The following BAHCC1 variants were observed in gnomAD, a reference collection of about 807,000 sequenced individuals.
The protein encoded by BAHCC1 is BAH and coiled-coil domain-containing protein 1.
Under a neutral mutation model 88.2 loss-of-function variants are expected in BAHCC1, and 43 were observed. The observed-to-expected ratio is 0.49, with a 90% CI of 0.38 to 0.63. The LOEUF (loss-of-function observed/expected upper bound fraction) is 0.63, where lower values mean the gene tolerates loss of function less well. Ranked by LOEUF, BAHCC1 falls within the 20% of genes least tolerant of loss-of-function variation. The probability of loss-of-function intolerance (pLI) is 0.00; values close to 1 mark genes in which losing one functional copy is unlikely to be tolerated. For missense variants in BAHCC1, 3,023 were observed against 1,654.8 expected, an observed-to-expected ratio of 1.83 and a Z score of -14.34; for synonymous variants, 1,510 against 745.5, an observed-to-expected ratio of 2.03 and a Z score of -16.71.
intron 2 of BAHCC1, among the ~76,000 whole-genome samples, chr17:81,405,232 T>A (rs569357123): frequency 5.3e-5 from 8 of 152,164 alleles, no homozygotes; most frequent in African/African-American, 1.9e-4. Context: ...CACGCCCTAA[T>A]TTTTTGTATT....
chr17:81,432,910 T>G (rs71370215), intron 3 of BAHCC1, among the ~76,000 whole-genome samples: 8,890 of 16,706 alleles, frequency 0.53, 1,678 homozygotes, highest in East Asian at 0.66. Context: ...AGGCCCACCC[T>G]TCCCCCCATC....
intron 2 of BAHCC1, among the ~76,000 whole-genome samples, chr17:81,424,551 T>C (rs2064151501): frequency 6.6e-6 from 1 of 151,936 alleles, no homozygotes; most frequent in Admixed American, 6.6e-5. Context: ...TGATGATTGG[T>C]GATTGATGAT....
intron 2 of BAHCC1, among the ~76,000 whole-genome samples, chr17:81,404,820 C>T (rs375675298): frequency 2.0e-5 from 3 of 152,246 alleles, no homozygotes; most frequent in South Asian, 2.1e-4. Flanking sequence ...TGTCCCCTGG[C>T]GGGCACCTTT....
chr17:81,458,041 G>A (rs1312858473), intron 17 of BAHCC1, 124 bp from the exon 18 acceptor site: 2 of 634,692 alleles, frequency 3.2e-6, no homozygotes, highest in Non-Finnish European at 5.7e-6. Flanking sequence ...GGCAGAGGTT[G>A]CTGGGTAACC....
At chr17:81,440,937 G>A (rs1263893695) in intron 4 of BAHCC1, among the ~76,000 whole-genome samples, 3 of 152,306 alleles carry the variant, frequency 2.0e-5, no homozygotes, top group South Asian at 2.1e-4. Flanking sequence ...CGACCCACCC[G>A]TCCTTCCTCG....
intron 14 of BAHCC1, among the ~76,000 whole-genome samples, chr17:81,454,994 A>G (rs1230888107): frequency 1.3e-5 from 2 of 152,238 alleles, no homozygotes; most frequent in Admixed American, 6.5e-5. Flanking sequence ...CACTTCCAGT[A>G]TAGCCAAGTG....
At chr17:81,455,953 G>C (rs2064741242) in intron 15 of BAHCC1, among the ~76,000 whole-genome samples, 1 of 152,184 alleles carries the variant, frequency 6.6e-6, no homozygotes, top group Non-Finnish European at 1.5e-5. Flanking sequence ...TGTCTGCCCA[G>C]GGGGCTGATC....
rs782326582 is a variant in BAHCC1, at chr17:81,461,963, C to T, written c.7300C>T (p.Pro2434Ser). The change falls in exon 26 of 28, where the codon CCG becomes TCG. Residue 2434 changes from proline to serine, a missense_variant. Coordinates refer to ENST00000675386, the MANE Select transcript of BAHCC1 (RefSeq NM_001377448.1). ...CAAAGAGCTCTCCCGGAGGCAGCGG[C>T]CGCCCTCCGTGGAAAACCGGCCAAA... Reference protein sequence around the residue: ...KAKELSRRQRPPSVENRPKIS... With the variant: ...KAKELSRRQRSPSVENRPKIS... 11 of 772,172 alleles carry T rather than the reference C, an allele frequency of 1.4e-5. No individual in the cohort carries two copies. The highest frequency in any genetic ancestry group is 1.4e-4 in the South Asian group (10 of 73,094). The allele number at this position is 772,172 out of a possible 1,614,324, so 47.8% of individuals were successfully genotyped here. A position where few individuals can be genotyped will look rare whatever the true frequency, so the allele number is the denominator to read the frequency against.
At chr17:81,454,600 G>A (rs898415841) in intron 14 of BAHCC1, among the ~76,000 whole-genome samples, 9 of 131,788 alleles carry the variant, frequency 6.8e-5, no homozygotes, top group African/African-American at 2.3e-4. Flanking sequence ...CGGTTGGCAC[G>A]TCCTCTTCCA....
chr17:81,448,782 G>A (rs1341817562), intron 11 of BAHCC1, among the ~76,000 whole-genome samples: 2 of 152,140 alleles, frequency 1.3e-5, no homozygotes, highest in East Asian at 1.9e-4. Flanking sequence ...GCCTGCCCTC[G>A]GGGGTATCTG....
intron 3 of BAHCC1, among the ~76,000 whole-genome samples, chr17:81,431,977 C>T (rs1160408519): frequency 6.6e-6 from 1 of 152,234 alleles, no homozygotes; most frequent in African/African-American, 2.4e-5. Flanking sequence ...GCAGATGCGG[C>T]ATGGGCCCCT....
In BAHCC1 at chr17:81,462,769, G is replaced by A. The variant is rs181652472; in HGVS notation, c.7413G>A (p.Lys2471=). 1.3e-6 allele frequency: 1 copy of A among 773,680 alleles called. No homozygotes were observed. Among genetic ancestry groups the A allele is most frequent in the East Asian group, 2.4e-5 (1 of 41,130 alleles). The allele number at this position is 773,680 out of a possible 1,614,324, so 47.9% of individuals were successfully genotyped here. The change falls in exon 27 of 28, where the codon AAG becomes AAA. Residue 2471 remains lysine, a synonymous_variant. Transcript: ENST00000675386. The stretch of plus-strand genomic sequence containing the variant: ...GTGGCATGAAGGGGAAGGCCCGGAA[G>A]CTGTTCTACAAGGCCATCGTGCGGG... ...QRRGMKGKAR[K]LFYKAIVRGE... is the part of the protein sequence containing the mutation.
At chr17:81,460,170 C>T in intron 23 of BAHCC1, 107 bp from the exon 24 acceptor site, 1 of 664,618 alleles carries the variant, frequency 1.5e-6, no homozygotes, top group South Asian at 1.7e-5. Flanking sequence ...GGGAGCAGAA[C>T]CCCAGAGCCC....
At chr17:81,414,805 G>A (rs1006002738) in intron 2 of BAHCC1, among the ~76,000 whole-genome samples, 6 of 152,092 alleles carry the variant, frequency 3.9e-5, no homozygotes, top group Admixed American at 1.3e-4. Flanking sequence ...GGGCGGAGGC[G>A]GCAGGCACCC....
At chr17:81,436,616 C>T (rs889896017) in intron 3 of BAHCC1, among the ~76,000 whole-genome samples, 1 of 152,100 alleles carries the variant, frequency 6.6e-6, no homozygotes, top group Non-Finnish European at 1.5e-5. Flanking sequence ...GCTCCCACCC[C>T]GTCCCTCTCA....
intron 3 of BAHCC1, 90 bp from the exon 4 acceptor site, chr17:81,438,280 C>T (rs1779316857): frequency 2.7e-6 from 2 of 740,572 alleles, no homozygotes; most frequent in Admixed American, 3.7e-5. Context: ...TCCTGGGCTG[C>T]CTGCCGGCTT....
At chr17:81,428,434 G>A (rs1463684323) in intron 3 of BAHCC1, among the ~76,000 whole-genome samples, 1 of 152,196 alleles carries the variant, frequency 6.6e-6, no homozygotes, top group Admixed American at 6.5e-5. Flanking sequence ...GCCGCTGCCT[G>A]GTCCTGGCCC....
In BAHCC1 at chr17:81,418,929, G is replaced by A. The variant is rs72853232; in HGVS notation, c.179-7871G>A. Among the ~76,000 whole-genome samples, 529 of 152,132 alleles carry A rather than the reference G, an allele frequency of 3.5e-3. 2 individuals are homozygous for A. Among genetic ancestry groups the A allele is most frequent in the South Asian group, 0.022 (108 of 4,822 alleles). On this transcript the variant is annotated intron_variant, in intron 2 of 27. Coordinates refer to ENST00000675386, the MANE Select transcript of BAHCC1 (RefSeq NM_001377448.1). ...AGACAGGTTTGCACAGACACACCCC[G>A]TGAGTCACACACAGTCCCTCCCCTG...
At position 81,399,103 on chromosome 17, in the gene BAHCC1, G is replaced by A; in HGVS notation, c.-206-431G>A. 4.1e-6 allele frequency: 1 copy of A among 241,568 alleles called. No individual in the cohort carries two copies. Among genetic ancestry groups the A allele is most frequent in the Non-Finnish European group, 9.0e-6 (1 of 110,558 alleles). The allele number at this position is 241,568 out of a possible 1,614,324, so 15.0% of individuals were successfully genotyped here. On this transcript the variant is annotated intron_variant, in intron 1 of 27. Transcript: ENST00000675386. This position sits in a 1 kb window ranked among gnomAD's most constrained non-coding sequence, Gnocchi z 4.5. ...TCCTCCGAGACACCTTTGGGCAGCG[G>A]GGGAGGGGAGAGGGTGTGCGTGTGA...
Sources: allele counts gnomAD v4.1 joint callset (sites outside exome capture counted in the v4.1 genomes callset), GRCh38; gene constraint gnomAD v4.1.1; non-coding constraint Gnocchi (gnomAD v3.1); transcripts MANE v1.5; gene names NCBI Gene and HGNC (gene_info 2026-07-23, HGNC 2026-07-21).